PRRC2A: variants seen among roughly 807,000 people sequenced by gnomAD.
PRRC2A encodes proline rich coiled-coil 2A.
PRRC2A carries 59 observed loss-of-function variants against 224.6 expected under a neutral mutation model. That is an observed-to-expected ratio of 0.26 (90% CI 0.21 to 0.33). PRRC2A has a LOEUF of 0.33. PRRC2A is among the 10% of genes least tolerant of loss of function. The probability of loss-of-function intolerance (pLI) is 1.00; values close to 1 mark genes in which losing one functional copy is unlikely to be tolerated. For missense variants in PRRC2A, 3,095 were observed against 2,880.7 expected (o/e 1.07, Z -1.70); for synonymous variants, 1,194 against 1,109.5 (o/e 1.08, Z -1.51).
rs533692117 is a variant in PRRC2A at position 31,629,876 on chromosome 6, GA to G, written c.2254+34del. ...GGGGCATGGGAGGAGTGAGAAACAG[GA>G]AAGTCCCCTCAGTCTTAGGCATTGG... On this transcript the variant is annotated intron_variant, in intron 14 of 30. Coordinates refer to ENST00000376033, the MANE Select transcript of PRRC2A (RefSeq NM_004638.4). 2.3e-4 allele frequency: 366 copies of G among 1,610,416 alleles called. 2 individuals are homozygous for G. The African/African-American group carries it at 4.0e-3, about 18-fold the overall frequency.
rs1390849259 is a variant in PRRC2A at position 31,629,327 on chromosome 6, A to G, written c.1949A>G (p.Gln650Arg). The G allele has an allele frequency of 5.8e-6, 9 of 1,562,122 alleles. No individual in the cohort carries two copies. Among genetic ancestry groups the G allele is most frequent in the African/African-American group, 1.4e-5 (1 of 72,890 alleles). Residue 650 changes from glutamine to arginine, a missense_variant, in exon 13 of 31, where the codon CAG becomes CGG. Gln to Arg is a conservative substitution (Grantham distance 43). Transcript: ENST00000376033. ...TCGTTGCCTCCTCGTTTCCAGCGGC[A>G]GCAGCAGGTGAAATCAAGTTGTTTA... ...QKSLPPRFQR[Q>R]QQEQLLKQQQ...
rs749723793 is a variant in PRRC2A, at chr6:31,631,686, C to G, written c.3013C>G (p.Pro1005Ala). 2.6e-6 allele frequency: 4 copies of G among 1,514,138 alleles called. No individual in the cohort carries two copies. In the South Asian group the frequency reaches 4.0e-5, roughly 15 times the overall value. The allele number at this position is 1,514,138 out of a possible 1,614,324, so 93.8% of individuals were successfully genotyped here. ...KETPPNGNLSPAPRLRRDYSY... is the reference protein window; with the variant it reads ...KETPPNGNLSAAPRLRRDYSY... ...GACCCCACCCAATGGAAATCTTTCC[C>G]CTGCCCCAAGGCTTCGGAGGGACTA... Residue 1005 changes from proline to alanine, a missense_variant, in exon 16 of 31, where the codon CCT (proline) becomes GCT (alanine). Around this residue, in one of 8 missense-constraint regions of PRRC2A, gnomAD observed 2,001 missense variants for 1,764.9 expected, o/e 1.13. Coordinates refer to ENST00000376033, the MANE Select transcript of PRRC2A (RefSeq NM_004638.4). The surrounding 1 kb of genome is among the most constrained non-coding windows in gnomAD (Gnocchi z 4.5).
At position 31,629,168 on chromosome 6, in the gene PRRC2A, A is replaced by T; in HGVS notation, c.1790A>T (p.Glu597Val). ...GTGGAACCACAACTGCCCTCAAAAG[A>T]GGGTCCTGAACCACCAGAAGAGGTT... The part of the protein sequence containing the change: ...SPVEPQLPSK[E>V]GPEPPEEVPP... The change falls in exon 13 of 31, where the codon GAG (glutamate) becomes GTG (valine). Residue 597 changes from glutamate to valine, a missense_variant. Physicochemically the swap from Glu to Val is moderately radical, Grantham distance 121. Coordinates refer to ENST00000376033, the MANE Select transcript of PRRC2A (RefSeq NM_004638.4). 6.2e-7 allele frequency: 1 copy of T among 1,614,042 alleles called. No homozygotes were observed. Among genetic ancestry groups the T allele is most frequent in the Non-Finnish European group, 8.5e-7 (1 of 1,179,994 alleles).
At position 31,631,414 on chromosome 6, in the gene PRRC2A, C is replaced by G. The variant is rs1427616029; in HGVS notation, c.2741C>G (p.Pro914Arg). ...RGVGSGGQGP[P>R]PPRRESRTET... ...GTCGGGAGTGGAGGCCAGGGCCCCC[C>G]ACCACCACGCAGAGAGAGTCGCACA... Residue 914 changes from proline (P) to arginine (R), a missense_variant, in exon 16 of 31, where the codon CCA becomes CGA. By Grantham distance (103) the Pro-to-Arg change is moderately radical (BLOSUM62 -2). Transcript: ENST00000376033. This position sits in a 1 kb window ranked among gnomAD's most constrained non-coding sequence, Gnocchi z 4.5. 3 of 1,609,528 alleles carry G rather than the reference C, an allele frequency of 1.9e-6. No individual in the cohort carries two copies. The highest frequency in any genetic ancestry group is 2.5e-6 in the Non-Finnish European group (3 of 1,178,718).
In PRRC2A at chr6:31,621,629, C is replaced by CA. The variant is rs576735405; in HGVS notation, c.-101+774dup. 6.6e-5 allele frequency among the ~76,000 whole-genome samples: 10 copies of CA among 152,312 alleles called. No individual in the cohort carries two copies. The South Asian group carries it at 2.1e-3, about 32-fold the overall frequency. The stretch of plus-strand genomic sequence containing the variant: ...ATTTATCTTCACAGATTGGCCTCCT[C>CA]AAACACCTACGAAGCAACATCCATC... On this transcript the variant is annotated intron_variant, in intron 1 of 30. Coordinates refer to ENST00000376033, the MANE Select transcript of PRRC2A (RefSeq NM_004638.4).
chr6:31,624,953 A>G, intron 5 of PRRC2A: 1 of 590,886 alleles, frequency 1.7e-6, no homozygotes, highest in Non-Finnish European at 3.0e-6. Context: ...ACACGCCAAC[A>G]CACCCAGCTA....
intron 18 of PRRC2A, 86 bp downstream of exon 18, chr6:31,634,075 GT>G: frequency 6.3e-7 from 1 of 1,578,800 alleles, no homozygotes; most frequent in Non-Finnish European, 8.6e-7. Flanking sequence ...TTTCTTTCCT[GT>G]TTCTTTCACT....
At position 31,625,166 on chromosome 6, in the gene PRRC2A, A is replaced by G. The variant is rs1187074409; in HGVS notation, c.464-5A>G. ...GTCTCCTGTTCTGCATCCCCATCCTAATAGGTGGAAGGGCATCAAGCCTAC... is the reference window on the plus strand; with the variant it reads ...GTCTCCTGTTCTGCATCCCCATCCTGATAGGTGGAAGGGCATCAAGCCTAC... On this transcript the variant is annotated splice_polypyrimidine_tract_variant and splice_region_variant and intron_variant, in intron 5 of 30. Transcript: ENST00000376033. This position sits in a 1 kb window ranked among gnomAD's most constrained non-coding sequence, Gnocchi z 4.1. The G allele has an allele frequency of 6.2e-7, 1 of 1,610,010 alleles. No homozygotes were observed. The highest frequency in any genetic ancestry group is 1.7e-5 in the Admixed American group (1 of 59,918).
At position 31,632,088 on chromosome 6, in the gene PRRC2A, C is replaced by CCCCCACCACCAGGAG. The variant is rs775085110; in HGVS notation, c.3423_3437dup (p.Pro1142_Pro1146dup). ...AACACTCACCCAGGTCCCTCTCGCTCCCCCACCACCAGGAGCCCCACCTTC... is the reference window on the plus strand; with the variant it reads ...AACACTCACCCAGGTCCCTCTCGCTCCCCCACCACCAGGAGCCCCACCACCAGGAGCCCCACCTTC... On this transcript the variant is annotated inframe_insertion, in exon 16 of 31. Transcript: ENST00000376033. 5 of 1,551,350 alleles carry CCCCCACCACCAGGAG rather than the reference C, an allele frequency of 3.2e-6. No homozygotes were observed. The Admixed American group carries it at 5.7e-5, about 18-fold the overall frequency.
In PRRC2A at chr6:31,635,461, C is replaced by T; in HGVS notation, c.5369C>T (p.Thr1790Ile). The T allele has an allele frequency of 6.2e-7, 1 of 1,614,118 alleles. No homozygotes were observed. The highest frequency in any genetic ancestry group is 8.5e-7 in the Non-Finnish European group (1 of 1,180,008). ...GAGAAGGAGCTAACAGCATCAGTCA[C>T]TGAGGTAAGTGGGAGTAAGAGTTTG... ...KAEKELTASV[T>I]EAIPVSRDWE... Residue 1790 changes from threonine to isoleucine, a missense_variant, in exon 23 of 31, where the codon ACT (threonine) becomes ATT (isoleucine). Transcript: ENST00000376033.
At chr6:31,629,889 G>A (rs1255189262) in intron 14 of PRRC2A, 44 bp downstream of exon 14, 1 of 1,604,292 alleles carries the variant, frequency 6.2e-7, no homozygotes, top group African/African-American at 1.3e-5. Context: ...AGTCCCCTCA[G>A]TCTTAGGCAT....
chr6:31,633,537 C>T lies in PRRC2A; in HGVS notation c.4478C>T (p.Pro1493Leu). 1 of 1,613,120 alleles carries T rather than the reference C, an allele frequency of 6.2e-7. No individual in the cohort carries two copies. Among genetic ancestry groups the T allele is most frequent in the African/African-American group, 1.3e-5 (1 of 75,068 alleles). The change falls in exon 17 of 31, where the codon CCA becomes CTA. Residue 1493 changes from proline to leucine, a missense_variant. Coordinates refer to ENST00000376033, the MANE Select transcript of PRRC2A (RefSeq NM_004638.4). ...AGCCGTCAAGGGAGTGTAACTGCAC[C>T]AGGGGGTCATCCAAGGCACAAGCCT... ...LSSRQGSVTA[P>L]GGHPRHKPGL...
rs752265769 is a variant in PRRC2A, at chr6:31,633,362, T to C, written c.4320-17T>C. The stretch of plus-strand genomic sequence containing the variant: ...ACGATTTAGTGGATACTGGAGCTAA[T>C]GCTCTGTTTTCTCCAGTCGTCCTCC... On this transcript the variant is annotated splice_polypyrimidine_tract_variant and intron_variant, in intron 16 of 30. Transcript: ENST00000376033. The C allele has an allele frequency of 6.2e-7, 1 of 1,607,142 alleles. No individual in the cohort carries two copies. The highest frequency in any genetic ancestry group is 8.5e-7 in the Non-Finnish European group (1 of 1,176,048).
At chr6:31,633,117 A>T in intron 16 of PRRC2A, 125 bp downstream of exon 16, 1 of 1,316,818 alleles carries the variant, frequency 7.6e-7, no homozygotes. Context: ...CTAGAATGTC[A>T]GTAGGATTTC....
chr6:31,635,591 G>T lies in PRRC2A; in HGVS notation c.5383G>T (p.Val1795Leu), dbSNP rs1405704391. Residue 1795 changes from valine (V) to leucine (L), a missense_variant, in exon 24 of 31, where the codon GTA (valine) becomes TTA (leucine). Coordinates refer to ENST00000376033, the MANE Select transcript of PRRC2A (RefSeq NM_004638.4). ...LTASVTEAIP[V>L]SRDWELLPSA... ...GGCCTCTCCTTCCCAGGCCATTCCT[G>T]TATCACGAGACTGGGAGCTGCTTCC... 2 of 1,610,900 alleles carry T rather than the reference G, an allele frequency of 1.2e-6. No individual in the cohort carries two copies. Among genetic ancestry groups the T allele is most frequent in the East Asian group, 4.5e-5 (2 of 44,872 alleles).
In PRRC2A at chr6:31,624,176, A is replaced by G. The variant is rs888963387; in HGVS notation, c.291-85A>G. ...ATATTTGTAAATGGTAGCAATGGGC[A>G]TGATTTCAGTCCTGAGTCTCCACCA... On this transcript the variant is annotated intron_variant, in intron 3 of 30. Transcript: ENST00000376033. The G allele has an allele frequency of 3.7e-6, 5 of 1,342,802 alleles. No individual in the cohort carries two copies. The African/African-American group carries it at 5.8e-5, about 16-fold the overall frequency. 83.2% of individuals were successfully genotyped at this position (1,342,802 alleles called of 1,614,324 possible). A position where few individuals can be genotyped will look rare whatever the true frequency, so the allele number is the denominator to read the frequency against.
rs545938957 is a variant in PRRC2A at position 31,631,966 on chromosome 6, C to T, written c.3293C>T (p.Pro1098Leu). Residue 1098 changes from proline to leucine, a missense_variant, in exon 16 of 31, where the codon CCC (proline) becomes CTC (leucine). Transcript: ENST00000376033. This position sits in a 1 kb window ranked among gnomAD's most constrained non-coding sequence, Gnocchi z 4.5. Reference protein sequence around the residue: ...RSEGSEYEEIPKRRRQRGSET... With the variant: ...RSEGSEYEEILKRRRQRGSET... ...GAGGGTTCAGAGTATGAGGAAATCC[C>T]CAAGCGGCGCCGGCAGCGGGGCTCA... is the stretch of plus-strand genomic sequence containing the variant. 1 of 1,612,756 alleles carries T rather than the reference C, an allele frequency of 6.2e-7. No homozygotes were observed. Among genetic ancestry groups the T allele is most frequent in the Non-Finnish European group, 8.5e-7 (1 of 1,179,870 alleles).
Position 31,632,359 on chromosome 6 carries a change from G to A in PRRC2A, c.3686G>A (p.Gly1229Asp). The change falls in exon 16 of 31, where the codon GGT becomes GAT. Residue 1229 changes from glycine to aspartate, a missense_variant. Gly to Asp is a moderately conservative substitution (Grantham distance 94, BLOSUM62 -1). Transcript: ENST00000376033. ...SPVARGGSNG[G>D]SNVGMEDGER... is the part of the protein sequence containing the mutation. ...GTGGCGCGCGGAGGCAGCAATGGAG[G>A]TAGCAATGTGGGCATGGAAGATGGG... 1 of 1,613,298 alleles carries A rather than the reference G, an allele frequency of 6.2e-7. No homozygotes were observed. The highest frequency in any genetic ancestry group is 8.5e-7 in the Non-Finnish European group (1 of 1,179,922).
Position 31,637,095 on chromosome 6 carries a change from C to G in PRRC2A, c.6201C>G (p.Asn2067Lys), listed in dbSNP as rs1777461043. The G allele has an allele frequency of 6.2e-7, 1 of 1,611,004 alleles. No homozygotes were observed. The highest frequency in any genetic ancestry group is 1.3e-5 in the African/African-American group (1 of 74,994). The change falls in exon 29 of 31, where the codon AAC becomes AAG. Residue 2067 changes from asparagine to lysine, a missense_variant. By Grantham distance (94) the Asn-to-Lys change is moderately conservative. Coordinates refer to ENST00000376033, the MANE Select transcript of PRRC2A (RefSeq NM_004638.4). ...AGGATTATCAAAAACTGAGCAGCAA[C>G]CTTGGGGGACCTGGATCATCACGGA... is the stretch of plus-strand genomic sequence containing the variant. ...PFQDYQKLSS[N>K]LGGPGSSRTP... is the part of the protein sequence containing the mutation.
Sources: allele counts gnomAD v4.1 joint callset (sites outside exome capture counted in the v4.1 genomes callset), GRCh38; gene constraint gnomAD v4.1.1; regional missense constraint gnomAD v4.1.1; non-coding constraint Gnocchi (gnomAD v3.1); transcripts MANE v1.5; gene names NCBI Gene and HGNC (gene_info 2026-07-23, HGNC 2026-07-21).